MAP3K21: variants seen among roughly 807,000 people sequenced by gnomAD.
The protein encoded by MAP3K21 is mitogen-activated protein kinase kinase kinase 21, also known as mitogen-activated protein kinase kinase kinase MLK4.
In MAP3K21, 63 loss-of-function variants were observed where a neutral mutation model predicts 86.1. The ratio of observed to expected loss-of-function variants is 0.73; its 90% confidence interval spans 0.60 to 0.90. The LOEUF (loss-of-function observed/expected upper bound fraction) is 0.90, where lower values mean the gene tolerates loss of function less well. Ranked by LOEUF, MAP3K21 falls within the 40% of genes least tolerant of loss-of-function variation. The pLI is 0.00. For synonymous variants in MAP3K21, 558 were observed against 564.8 expected, an observed-to-expected ratio of 0.99 and a Z score of 0.17; for missense variants, 1,220 against 1,367.7, an observed-to-expected ratio of 0.89 and a Z score of 1.70.
At chr1:233,345,378 T>C (rs1009084166) in intron 1 of MAP3K21, among the ~76,000 whole-genome samples, 20 of 152,162 alleles carry the variant, frequency 1.3e-4, no homozygotes, top group Non-Finnish European at 2.6e-4. Context: ...GTGGTATATA[T>C]ACACCATGGA....
At chr1:233,363,711 AAAG>A (rs1433373124) in intron 5 of MAP3K21, among the ~76,000 whole-genome samples, 13 of 120,486 alleles carry the variant, frequency 1.1e-4, no homozygotes, top group Non-Finnish European at 7.2e-5. Flanking sequence ...TCAAAAAAAA[AAAG>A]AAAGAAAGAA....
intron 1 of MAP3K21, among the ~76,000 whole-genome samples, chr1:233,331,386 C>A (rs150983827): frequency 2.4e-4 from 37 of 152,276 alleles, no homozygotes; most frequent in Admixed American, 5.9e-4. Flanking sequence ...AATGTGCAAA[C>A]CATGGTGCCT....
chr1:233,334,986 A>C (rs1233868018), intron 1 of MAP3K21, among the ~76,000 whole-genome samples: 1 of 131,542 alleles, frequency 7.6e-6, no homozygotes, highest in African/African-American at 2.8e-5. Context: ...ATTATACTTT[A>C]AGTTCTAGGG....
intron 2 of MAP3K21, among the ~76,000 whole-genome samples, chr1:233,346,846 G>A (rs1663151281): frequency 6.6e-6 from 1 of 152,174 alleles, no homozygotes; most frequent in African/African-American, 2.4e-5. Flanking sequence ...TAAATCACAA[G>A]TTTAGTTAAA....
chr1:233,353,602 G>A (rs936696016), intron 2 of MAP3K21, among the ~76,000 whole-genome samples: 4 of 152,178 alleles, frequency 2.6e-5, no homozygotes, highest in African/African-American at 7.2e-5. Context: ...CTGGATTTCT[G>A]GGATGGAATG....
At chr1:233,342,091 T>A (rs1201265219) in intron 1 of MAP3K21, among the ~76,000 whole-genome samples, 2 of 152,248 alleles carry the variant, frequency 1.3e-5, no homozygotes, top group Admixed American at 1.3e-4. Context: ...TCTTTTTCTG[T>A]AGGTATTTAT....
intron 1 of MAP3K21, among the ~76,000 whole-genome samples, chr1:233,335,404 T>G (rs1280806772): frequency 6.6e-6 from 1 of 152,152 alleles, no homozygotes; most frequent in East Asian, 1.9e-4. Flanking sequence ...ACCAACCTAA[T>G]AGTAACAAGA....
chr1:233,361,714 G>A (rs930829824), intron 4 of MAP3K21, among the ~76,000 whole-genome samples: 2 of 152,212 alleles, frequency 1.3e-5, no homozygotes, highest in Non-Finnish European at 2.9e-5. Context: ...GGTGAGAGAT[G>A]AAGAGGGAGA....
chr1:233,351,806 G>A (rs954899481), intron 2 of MAP3K21, among the ~76,000 whole-genome samples: 3 of 152,070 alleles, frequency 2.0e-5, no homozygotes, highest in African/African-American at 7.2e-5. Context: ...TAAAAGATTA[G>A]GAAAGTGAAT....
Position 233,328,677 on chromosome 1 carries a change from GCCGCCCCGGACCCGCGCGCGCCCGGCCC to G in MAP3K21, c.655_682del (p.Pro219AlafsTer17). 1 of 1,333,804 alleles carries G rather than the reference GCCGCCCCGGACCCGCGCGCGCCCGGCCC, an allele frequency of 7.5e-7. No individual in the cohort carries two copies. The highest frequency in any genetic ancestry group is 2.7e-4 in the Middle Eastern group (1 of 3,742). 82.6% of individuals were successfully genotyped at this position (1,333,804 alleles called of 1,614,324 possible). On this transcript the variant is annotated frameshift_variant, in exon 1 of 10. Coordinates refer to ENST00000366624, the MANE Select transcript of MAP3K21 (RefSeq NM_032435.3). LOFTEE classifies it high-confidence loss of function. This position sits in a 1 kb window ranked among gnomAD's most constrained non-coding sequence, Gnocchi z 8.7. ...CAACCGAGCGCTGGCCGCTGCCAAC[GCCGCCCCGGACCCGCGCGCGCCCGGCCC>G]CCGCCGCGCGCGCCGCATCCCTCCG... is the stretch of plus-strand genomic sequence containing the variant.
intron 5 of MAP3K21, among the ~76,000 whole-genome samples, chr1:233,369,220 C>CAA (rs35461412): frequency 0.3 from 31,432 of 105,282 alleles, 4,884 homozygotes; most frequent in East Asian, 0.44. Flanking sequence ...TAGTAAAATA[C>CAA]AAAAAAAAAA....
intron 2 of MAP3K21, 36 bp from the exon 3 acceptor site, chr1:233,353,771 T>G: frequency 2.0e-6 from 3 of 1,512,868 alleles, no homozygotes; most frequent in Middle Eastern, 3.9e-4. Flanking sequence ...AAGACACTGT[T>G]TAGCCCATTG....
At chr1:233,339,407 C>CCTT (rs1491376569) in intron 1 of MAP3K21, among the ~76,000 whole-genome samples, 1,128 of 38,134 alleles carry the variant, frequency 0.03, 118 homozygotes, top group Middle Eastern at 0.061. Context: ...TTCTCCTCCT[C>CCTT]CTCCTCCTCC....
intron 5 of MAP3K21, among the ~76,000 whole-genome samples, chr1:233,366,182 G>C (rs1429511370): frequency 1.3e-5 from 2 of 152,212 alleles, no homozygotes; most frequent in Non-Finnish European, 2.9e-5. Context: ...TGGTTATTGG[G>C]GTGGGAAGGG....
chr1:233,378,682 T>G (rs1313336958), intron 8 of MAP3K21, among the ~76,000 whole-genome samples: 1 of 152,214 alleles, frequency 6.6e-6, no homozygotes. Context: ...GAAGAACAGC[T>G]TCCCGAAGCA....
rs1186816823 is a variant in MAP3K21 at position 233,362,129 on chromosome 1, G to A, written c.1388G>A (p.Arg463His). Residue 463 changes from arginine (R) to histidine (H), a missense_variant, in exon 5 of 10, where the codon CGT (arginine) becomes CAT (histidine). Around this residue, in one of 5 missense-constraint regions of MAP3K21, gnomAD observed 4 missense variants for 18.6 expected, o/e 0.21. Coordinates refer to ENST00000366624, the MANE Select transcript of MAP3K21 (RefSeq NM_032435.3). ...TCTCAGGAGGAGCTGCTAAAGCGGC[G>A]TGAGCAGCAGCTGGCAGAGCGCGAG... is the stretch of plus-strand genomic sequence containing the variant. ...QKSQEELLKR[R>H]EQQLAEREID... 2 of 1,614,014 alleles carry A rather than the reference G, an allele frequency of 1.2e-6. No homozygotes were observed. Among genetic ancestry groups the A allele is most frequent in the African/African-American group, 1.3e-5 (1 of 74,952 alleles).
chr1:233,348,457 ATT>A (rs975316557), intron 2 of MAP3K21, among the ~76,000 whole-genome samples: 25 of 152,186 alleles, frequency 1.6e-4, no homozygotes, highest in African/African-American at 5.8e-4. Context: ...TCCTGAACAC[ATT>A]TTTGTGAGAA....
At chr1:233,341,980 A>C (rs987824942) in intron 1 of MAP3K21, among the ~76,000 whole-genome samples, 1 of 146,746 alleles carries the variant, frequency 6.8e-6, no homozygotes, top group Non-Finnish European at 1.5e-5. Flanking sequence ...GCAGCTGATG[A>C]AAAAAAAAAG....
chr1:233,338,526 C>A (rs993282409), intron 1 of MAP3K21, among the ~76,000 whole-genome samples: 5 of 152,126 alleles, frequency 3.3e-5, no homozygotes, highest in Non-Finnish European at 1.5e-5. Context: ...AGTGAGCAGT[C>A]AAAGATTGTG....
Sources: gnomAD v4.1 joint callset for allele counts (sites outside exome capture counted in the v4.1 genomes callset) on GRCh38, gnomAD v4.1.1 for gene constraint, gnomAD v4.1.1 regional missense constraint, Gnocchi (gnomAD v3.1) non-coding constraint, MANE v1.5 for transcripts, NCBI Gene and HGNC (gene_info 2026-07-23, HGNC 2026-07-21) for gene names.